Variants in LOC128071547 observed in about 807,000 individuals in gnomAD.
chr12:120,534,950 G>A, the LOC128071547 span: 4 of 1,600,948 alleles, frequency 2.5e-6, no homozygotes, highest in Non-Finnish European at 3.4e-6. Flanking sequence ...GCCAGCCGGC[G>A]AGTCTAAACC....
the LOC128071547 span, chr12:120,534,706 G>A: frequency 2.5e-4 from 350 of 1,401,552 alleles, 1 homozygote; most frequent in African/African-American, 4.5e-3. Context: ...CATGAAGGCC[G>A]AGAACCGCTG....
chr12:120,534,724 C>A, the LOC128071547 span: 10 of 1,410,096 alleles, frequency 7.1e-6, no homozygotes, highest in Non-Finnish European at 8.2e-6. Flanking sequence ...CTGCCGCCGC[C>A]GACCCCCGCC....
At chr12:120,534,914 C>T in the LOC128071547 span, 3 of 1,606,706 alleles carry the variant, frequency 1.9e-6, no homozygotes, top group Non-Finnish European at 2.5e-6. Flanking sequence ...CAAAGGGCAA[C>T]AGCCGCCCCG....
the LOC128071547 span, chr12:120,534,952 G>C: frequency 1.2e-6 from 2 of 1,600,694 alleles, no homozygotes. Flanking sequence ...CAGCCGGCGA[G>C]TCTAAACCCA....
the LOC128071547 span, chr12:120,534,879 G>T: frequency 6.2e-7 from 1 of 1,608,404 alleles, no homozygotes; most frequent in South Asian, 1.1e-5. Flanking sequence ...GGCTCCAACA[G>T]CTCCTCCGCC....
the LOC128071547 span, chr12:120,534,920 C>G: frequency 6.2e-7 from 1 of 1,605,956 alleles, no homozygotes. Context: ...GCAACAGCCG[C>G]CCCGCTCCGC....
At chr12:120,534,720 C>T in the LOC128071547 span, 3 of 1,406,542 alleles carry the variant, frequency 2.1e-6, no homozygotes, top group Non-Finnish European at 2.7e-6. Context: ...ACCGCTGCCG[C>T]CGCCGACCCC....
At chr12:120,534,803 C>T in the LOC128071547 span, 14 of 1,564,668 alleles carry the variant, frequency 8.9e-6, no homozygotes, top group East Asian at 2.3e-4. Flanking sequence ...GCCGCCGAGG[C>T]CCCCGTTGAT....
At chr12:120,534,933 C>T in the LOC128071547 span, 3 of 1,603,070 alleles carry the variant, frequency 1.9e-6, no homozygotes, top group East Asian at 2.2e-5. Context: ...CGCTCCGCCT[C>T]GGCGGGGCCA....
the LOC128071547 span, chr12:120,534,764 G>C: frequency 1.3e-6 from 2 of 1,518,742 alleles, no homozygotes; most frequent in Middle Eastern, 1.7e-4. Context: ...CTGGGTCCCC[G>C]CCGCGCCCGC....
chr12:120,534,913 A>G, the LOC128071547 span: 5 of 1,606,902 alleles, frequency 3.1e-6, no homozygotes, highest in East Asian at 2.2e-5. Context: ...GCAAAGGGCA[A>G]CAGCCGCCCC....
the LOC128071547 span, chr12:120,534,946 C>G: frequency 1.2e-6 from 2 of 1,601,476 alleles, no homozygotes; most frequent in East Asian, 2.2e-5. Context: ...CGGGGCCAGC[C>G]GGCGAGTCTA....
chr12:120,534,777 C>T, the LOC128071547 span: 40 of 1,536,944 alleles, frequency 2.6e-5, 1 homozygote, highest in East Asian at 1.7e-4. Context: ...GCGCCCGCTC[C>T]GCTCCGACTG....
At chr12:120,534,830 A>G in the LOC128071547 span, 1 of 1,593,784 alleles carries the variant, frequency 6.3e-7, no homozygotes, top group African/African-American at 1.3e-5. Context: ...GAGCTCCCCC[A>G]ACGCCGCCGC....
chr12:120,534,824 T>C, the LOC128071547 span: 2 of 1,587,034 alleles, frequency 1.3e-6, no homozygotes, highest in Non-Finnish European at 1.7e-6. Flanking sequence ...GCCGCTGAGC[T>C]CCCCCAACGC....
chr12:120,534,711 C>T, the LOC128071547 span: 1 of 1,403,580 alleles, frequency 7.1e-7, no homozygotes, highest in Non-Finnish European at 9.2e-7. Flanking sequence ...AGGCCGAGAA[C>T]CGCTGCCGCC....
chr12:120,534,904 C>T, the LOC128071547 span: 8 of 1,607,608 alleles, frequency 5.0e-6, 1 homozygote, highest in South Asian at 6.6e-5. Context: ...CGGGCAGCAG[C>T]AAAGGGCAAC....
chr12:120,534,773 G>C, the LOC128071547 span: 2 of 1,532,524 alleles, frequency 1.3e-6, no homozygotes, highest in Admixed American at 2.0e-5. Flanking sequence ...CGCCGCGCCC[G>C]CTCCGCTCCG....
the LOC128071547 span, chr12:120,534,761 C>T: frequency 6.6e-7 from 1 of 1,517,088 alleles, no homozygotes; most frequent in African/African-American, 1.4e-5. Context: ...AGCCTGGGTC[C>T]CCGCCGCGCC....
Sources: gnomAD v4.1 joint callset for allele counts on GRCh38, gnomAD v4.1.1 for gene constraint, MANE v1.5 for transcripts.